The following EXOC2 variants were observed in gnomAD, a reference collection of about 807,000 sequenced individuals.
EXOC2 encodes SEC5-like 1.
Under a neutral mutation model 131.8 loss-of-function variants are expected in EXOC2, and 70 were observed. The ratio of observed to expected loss-of-function variants is 0.53; its 90% CI spans 0.44 to 0.65. EXOC2 has a LOEUF of 0.65. Ranked by LOEUF, EXOC2 falls within the 30% of genes least tolerant of loss-of-function variation. EXOC2 has a pLI of 0.00. For missense variants in EXOC2, 923 were observed against 1,108.6 expected (o/e 0.83, Z 2.38); for synonymous variants, 411 against 398.4 (o/e 1.03, Z -0.38).
At chr6:504,274 T>G (rs1581322421) in intron 23 of EXOC2, among the ~76,000 whole-genome samples, 1 of 151,076 alleles carries the variant, frequency 6.6e-6, no homozygotes, top group Non-Finnish European at 1.5e-5. Flanking sequence ...AAATGGGAGG[T>G]CAGACGGAGA....
chr6:681,053 T>C (rs1764382266), intron 1 of EXOC2, among the ~76,000 whole-genome samples: 1 of 152,210 alleles, frequency 6.6e-6, no homozygotes, highest in African/African-American at 2.4e-5. Context: ...CTAGATTTGT[T>C]TCACAGGACA....
rs148113655 is a variant in EXOC2, at chr6:527,868, G to T, written c.2380+4601C>A. Among the ~76,000 whole-genome samples the T allele has an allele frequency of 8.1e-3, 1,204 of 149,124 alleles. 15 individuals are homozygous for T. The highest frequency in any genetic ancestry group is 0.027 in the African/African-American group (1,088 of 40,356). ...TTTAAATTTTTATGACTTTTTGATAGAAAAAATAAAACCAGTATTTAACAG... is the reference window on the plus strand; with the variant it reads ...TTTAAATTTTTATGACTTTTTGATATAAAAAATAAAACCAGTATTTAACAG... On this transcript the variant is annotated intron_variant, in intron 23 of 27. Coordinates refer to ENST00000230449, the MANE Select transcript of EXOC2 (RefSeq NM_018303.6).
At chr6:689,703 G>T (rs575160584) in intron 1 of EXOC2, among the ~76,000 whole-genome samples, 2 of 152,302 alleles carry the variant, frequency 1.3e-5, no homozygotes, top group African/African-American at 4.8e-5. Flanking sequence ...TAATATATGT[G>T]TCAGGCATAC....
At chr6:609,039 T>C (rs1290009325) in intron 7 of EXOC2, among the ~76,000 whole-genome samples, 1 of 152,154 alleles carries the variant, frequency 6.6e-6, no homozygotes, top group African/African-American at 2.4e-5. Context: ...GTAATAATAA[T>C]CAGAGGAAAA....
intron 4 of EXOC2, among the ~76,000 whole-genome samples, chr6:621,442 C>G (rs1761287133): frequency 6.6e-6 from 1 of 152,238 alleles, no homozygotes; most frequent in South Asian, 2.1e-4. Flanking sequence ...GTTCCTCTAT[C>G]AACCCTGCAC....
chr6:607,289 T>C (rs1464451185), intron 7 of EXOC2, among the ~76,000 whole-genome samples: 2 of 152,354 alleles, frequency 1.3e-5, no homozygotes, highest in East Asian at 1.9e-4. Flanking sequence ...TATTTCTGGA[T>C]ATAAATTGCA....
intron 22 of EXOC2, among the ~76,000 whole-genome samples, chr6:533,477 C>A (rs913001304): frequency 6.6e-6 from 1 of 152,090 alleles, no homozygotes; most frequent in African/African-American, 2.4e-5. Context: ...CAGGTCAGGC[C>A]TTCGAGTCTA....
chr6:630,003 C>G (rs760073809), intron 3 of EXOC2, 42 bp from the exon 4 acceptor site: 113 of 1,606,382 alleles, frequency 7.0e-5, no homozygotes, highest in African/African-American at 4.6e-4. Flanking sequence ...ATGAAGCCTA[C>G]CCCAGGCACC....
chr6:626,858 G>T (rs1761599987), intron 4 of EXOC2, among the ~76,000 whole-genome samples: 1 of 152,176 alleles, frequency 6.6e-6, no homozygotes, highest in African/African-American at 2.4e-5. Context: ...CTCTCAAAGT[G>T]CTGGGATTAC....
intron 1 of EXOC2, among the ~76,000 whole-genome samples, chr6:657,892 T>C (rs1308758504): frequency 1.3e-5 from 2 of 152,242 alleles, no homozygotes; most frequent in South Asian, 4.1e-4. Context: ...CTCTGTCCAT[T>C]ACATGTACTG....
chr6:627,597 TCAGGTGAGGATACCACTGG>T (rs1394963509), intron 4 of EXOC2, among the ~76,000 whole-genome samples: 1 of 152,190 alleles, frequency 6.6e-6, no homozygotes, highest in Non-Finnish European at 1.5e-5. Flanking sequence ...GAAATGCACA[TCAGGTGAGGATACCACTGG>T]CTCCTCCGAG....
intron 1 of EXOC2, among the ~76,000 whole-genome samples, chr6:686,104 G>A (rs1764642018): frequency 6.6e-6 from 1 of 151,736 alleles, no homozygotes. Flanking sequence ...TGGGATTACA[G>A]GCATGCGCCA....
At chr6:605,559 C>T (rs1760362034) in intron 7 of EXOC2, among the ~76,000 whole-genome samples, 1 of 152,118 alleles carries the variant, frequency 6.6e-6, no homozygotes, top group African/African-American at 2.4e-5. Context: ...TCCCCTTTAT[C>T]ATTTTTTATT....
chr6:587,535 C>T (rs574671529), intron 11 of EXOC2, among the ~76,000 whole-genome samples: 2 of 152,352 alleles, frequency 1.3e-5, no homozygotes, highest in East Asian at 1.9e-4. Context: ...TGAGCCACCG[C>T]GCCCGGCCAT....
At chr6:691,684 T>C (rs1381436085) in intron 1 of EXOC2, among the ~76,000 whole-genome samples, 1 of 152,230 alleles carries the variant, frequency 6.6e-6, no homozygotes, top group African/African-American at 2.4e-5. Flanking sequence ...TGGAAATTTT[T>C]GACTGCGTGG....
chr6:632,014 G>A (rs1424571257), intron 3 of EXOC2, among the ~76,000 whole-genome samples: 1 of 151,944 alleles, frequency 6.6e-6, no homozygotes, highest in Non-Finnish European at 1.5e-5. Context: ...GTTTAATTAC[G>A]CCTCTGATAT....
rs992830064 is a variant in EXOC2 at position 689,552 on chromosome 6, A to G, written c.-44+3467T>C. Reference sequence around the variant, plus strand: ...CTCTTATCATCAAAGCTTCCCAATTACTCTAGCCCCAACGGATCCTTCCTA... The same window carrying G: ...CTCTTATCATCAAAGCTTCCCAATTGCTCTAGCCCCAACGGATCCTTCCTA... On this transcript the variant is annotated intron_variant, in intron 1 of 27. Transcript: ENST00000230449. Among the ~76,000 whole-genome samples the G allele has an allele frequency of 2.2e-4, 33 of 152,024 alleles. 1 individual carries two copies. Among genetic ancestry groups the G allele is most frequent in the African/African-American group, 7.7e-4 (32 of 41,446 alleles).
chr6:597,203 C>T (rs113985657), intron 10 of EXOC2, among the ~76,000 whole-genome samples: 20,640 of 151,958 alleles, frequency 0.14, 1,534 homozygotes, highest in East Asian at 0.16. Flanking sequence ...AAGACAGAGT[C>T]TCACTCTGTT....
intron 8 of EXOC2, 53 bp downstream of exon 8, chr6:599,027 T>TA: frequency 3.2e-6 from 5 of 1,567,800 alleles, no homozygotes; most frequent in Non-Finnish European, 4.3e-6. Flanking sequence ...TAAAAAATCT[T>TA]AAAAATGTAT....
Sources: gnomAD v4.1 joint callset for allele counts (sites outside exome capture counted in the v4.1 genomes callset) on GRCh38, gnomAD v4.1.1 for gene constraint, MANE v1.5 for transcripts, NCBI Gene and HGNC (gene_info 2026-07-23, HGNC 2026-07-21) for gene names.